Variants in BRIP1 observed in about 807,000 individuals in gnomAD.
BRIP1 encodes BRCA1 interacting DNA helicase 1.
In BRIP1, 88 loss-of-function variants were observed where a neutral mutation model predicts 119.7. The ratio of observed to expected loss-of-function variants is 0.74; its 90% CI spans 0.62 to 0.88. The LOEUF (loss-of-function observed/expected upper bound fraction) is 0.88, where lower values mean the gene tolerates loss of function less well. BRIP1 is among the 40% of genes least tolerant of loss of function. The probability of loss-of-function intolerance (pLI) is 0.00; values close to 1 mark genes in which losing one functional copy is unlikely to be tolerated. For synonymous variants in BRIP1, 443 were observed against 496.5 expected, an observed-to-expected ratio of 0.89 and a Z score of 1.43; for missense variants, 1,259 against 1,455.4, an observed-to-expected ratio of 0.87 and a Z score of 2.20.
chr17:61,705,951 T>C lies in BRIP1; in HGVS notation c.2492+10000A>G, dbSNP rs1249523990. Among the ~76,000 whole-genome samples the C allele has an allele frequency of 6.6e-6, 1 of 152,176 alleles. No individual in the cohort carries two copies. Among genetic ancestry groups the C allele is most frequent in the African/African-American group, 2.4e-5 (1 of 41,464 alleles). On this transcript the variant is annotated intron_variant, in intron 17 of 19. Transcript: ENST00000259008. The surrounding 1 kb of genome is among the most constrained non-coding windows in gnomAD (Gnocchi z 5.0). ...GACTTGAGTTGGCTAATAATGTTGCTCAAGTCATCTATATCTTTATTAGTT... is the reference window on the plus strand; with the variant it reads ...GACTTGAGTTGGCTAATAATGTTGCCCAAGTCATCTATATCTTTATTAGTT...
intron 4 of BRIP1, among the ~76,000 whole-genome samples, chr17:61,854,898 A>G (rs1227918703): frequency 6.6e-6 from 1 of 152,140 alleles, no homozygotes; most frequent in Non-Finnish European, 1.5e-5. Flanking sequence ...CCAATAACCA[A>G]TTTGTGGTAT....
At position 61,793,501 on chromosome 17, in the gene BRIP1, A is replaced by G. The variant is rs2077850066; in HGVS notation, c.1473+96T>C. On this transcript the variant is annotated intron_variant, in intron 10 of 19. Transcript: ENST00000259008. This position sits in a 1 kb window ranked among gnomAD's most constrained non-coding sequence, Gnocchi z 5.2. Reference sequence around the variant, plus strand: ...AAAAATTAAATTGCTATATTTAACAATTCTGGGTTACTCACTAGATTTAAT... The same window carrying G: ...AAAAATTAAATTGCTATATTTAACAGTTCTGGGTTACTCACTAGATTTAAT... 8.3e-7 allele frequency: 1 copy of G among 1,201,596 alleles called. No individual in the cohort carries two copies. Among genetic ancestry groups the G allele is most frequent in the African/African-American group, 1.5e-5 (1 of 65,058 alleles). 74.4% of individuals were successfully genotyped at this position (1,201,596 alleles called of 1,614,324 possible).
rs876659757 is a variant in BRIP1, at chr17:61,684,005, C to T, written c.3041G>A (p.Gly1014Asp). The change falls in exon 20 of 20, where the codon GGT becomes GAT. Residue 1014 changes from glycine (G) to aspartate (D), a missense_variant. By Grantham distance (94) the Gly-to-Asp change is moderately conservative. Transcript: ENST00000259008. This position sits in a 1 kb window ranked among gnomAD's most constrained non-coding sequence, Gnocchi z 4.5. ...SFNSLGQYFT[G>D]KIPKATPELG... is the part of the protein sequence containing the mutation. ...CTCAGGTGTTGCCTTCGGTATTTTA[C>T]CAGTAAAATACTGTCCCAAAGAATT... 1 of 1,614,098 alleles carries T rather than the reference C, an allele frequency of 6.2e-7. No individual in the cohort carries two copies. Among genetic ancestry groups the T allele is most frequent in the Non-Finnish European group, 8.5e-7 (1 of 1,180,008 alleles).
At position 61,853,908 on chromosome 17, in the gene BRIP1, G is replaced by A. The variant is rs945848691; in HGVS notation, c.379+3150C>T. 6.6e-6 allele frequency among the ~76,000 whole-genome samples: 1 copy of A among 152,160 alleles called. No individual in the cohort carries two copies. The highest frequency in any genetic ancestry group is 1.5e-5 in the Non-Finnish European group (1 of 68,030). ...TATCATCAAACAAGATACATGGATA[G>A]CTAATAAGAACATGAAAATATGGGA... On this transcript the variant is annotated intron_variant, in intron 4 of 19. Coordinates refer to ENST00000259008, the MANE Select transcript of BRIP1 (RefSeq NM_032043.3). The surrounding 1 kb of genome is among the most constrained non-coding windows in gnomAD (Gnocchi z 4.3).
chr17:61,815,485 A>G lies in BRIP1; in HGVS notation c.628-6728T>C, dbSNP rs1404824316. Among the ~76,000 whole-genome samples, 1 of 152,206 alleles carries G rather than the reference A, an allele frequency of 6.6e-6. No homozygotes were observed. The highest frequency in any genetic ancestry group is 1.5e-5 in the Non-Finnish European group (1 of 68,032). On this transcript the variant is annotated intron_variant, in intron 6 of 19. Coordinates refer to ENST00000259008, the MANE Select transcript of BRIP1 (RefSeq NM_032043.3). This position sits in a 1 kb window ranked among gnomAD's most constrained non-coding sequence, Gnocchi z 4.1. ...ACATAGTTATTCTGTAAAGGAATAAACAACAGCCAAGAGAATTTCATAAAG... is the reference window on the plus strand; with the variant it reads ...ACATAGTTATTCTGTAAAGGAATAAGCAACAGCCAAGAGAATTTCATAAAG...
At chr17:61,838,792 G>A (rs1371713765) in intron 6 of BRIP1, among the ~76,000 whole-genome samples, 2 of 151,684 alleles carry the variant, frequency 1.3e-5, no homozygotes, top group Middle Eastern at 3.4e-3. Flanking sequence ...AAAAAAGTGA[G>A]GCATATGATC....
chr17:61,743,571 C>T lies in BRIP1; in HGVS notation c.2258-437G>A, dbSNP rs2077015319. On this transcript the variant is annotated intron_variant, in intron 15 of 19. Coordinates refer to ENST00000259008, the MANE Select transcript of BRIP1 (RefSeq NM_032043.3). This position sits in a 1 kb window ranked among gnomAD's most constrained non-coding sequence, Gnocchi z 4.3. Reference sequence around the variant, plus strand: ...TATATTTAAAAGTATTGAAAACAGACACAGAGAACACCATAATATATACAC... The same window carrying T: ...TATATTTAAAAGTATTGAAAACAGATACAGAGAACACCATAATATATACAC... Among the ~76,000 whole-genome samples the T allele has an allele frequency of 1.3e-5, 2 of 152,106 alleles. No homozygotes were observed. Among genetic ancestry groups the T allele is most frequent in the African/African-American group, 4.8e-5 (2 of 41,418 alleles).
chr17:61,693,584 A>G lies in BRIP1; in HGVS notation c.2493-72T>C. On this transcript the variant is annotated intron_variant, in intron 17 of 19. Transcript: ENST00000259008. This position sits in a 1 kb window ranked among gnomAD's most constrained non-coding sequence, Gnocchi z 4.2. ...AATCCAGTTTTCCAGTGGGACAGAC[A>G]GAAAATTGGAAAAAAATCAATTTTA... 7.7e-7 allele frequency: 1 copy of G among 1,301,256 alleles called. No individual in the cohort carries two copies. Among genetic ancestry groups the G allele is most frequent in the Non-Finnish European group, 1.1e-6 (1 of 903,102 alleles). 80.6% of individuals were successfully genotyped at this position (1,301,256 alleles called of 1,614,324 possible). A position where few individuals can be genotyped will look rare whatever the true frequency, so the allele number is the denominator to read the frequency against.
At chr17:61,837,055 G>A (rs767551712) in intron 6 of BRIP1, among the ~76,000 whole-genome samples, 6 of 152,090 alleles carry the variant, frequency 3.9e-5, no homozygotes, top group East Asian at 1.9e-4. Flanking sequence ...TTCCTGATAC[G>A]GTTGTTATAA....
intron 6 of BRIP1, among the ~76,000 whole-genome samples, chr17:61,839,513 GC>G (rs1400586233): frequency 6.6e-6 from 1 of 151,950 alleles, no homozygotes; most frequent in East Asian, 1.9e-4. Context: ...TATGTTCTTT[GC>G]ATTGCAAAAG....
At chr17:61,719,863 C>T (rs2144444083) in intron 16 of BRIP1, among the ~76,000 whole-genome samples, 1 of 152,232 alleles carries the variant, frequency 6.6e-6, no homozygotes, top group African/African-American at 2.4e-5. Flanking sequence ...GGGCCTCAGT[C>T]TGTCCCCCAG....
At chr17:61,688,613 T>C (rs2061395991) in intron 18 of BRIP1, among the ~76,000 whole-genome samples, 1 of 152,150 alleles carries the variant, frequency 6.6e-6, no homozygotes, top group African/African-American at 2.4e-5. Flanking sequence ...TCTTTCCCTG[T>C]ACAAAACCAG....
At chr17:61,737,338 A>C (rs932061095) in intron 16 of BRIP1, among the ~76,000 whole-genome samples, 6 of 152,206 alleles carry the variant, frequency 3.9e-5, no homozygotes, top group Non-Finnish European at 8.8e-5. Flanking sequence ...AGATTCACTT[A>C]GATATAAGGA....
rs2061642567 is a variant in BRIP1, at chr17:61,703,157, CG to C, written c.2493-9646del. Among the ~76,000 whole-genome samples the C allele has an allele frequency of 1.3e-5, 2 of 152,048 alleles. No individual in the cohort carries two copies. The highest frequency in any genetic ancestry group is 2.9e-5 in the Non-Finnish European group (2 of 67,992). ...CCAACTCACTGCAAACTCCACCTCC[CG>C]GGTTCAAACGATTCTCCTGCTTAGC... On this transcript the variant is annotated intron_variant, in intron 17 of 19. Transcript: ENST00000259008. This position sits in a 1 kb window ranked among gnomAD's most constrained non-coding sequence, Gnocchi z 5.0.
Position 61,857,384 on chromosome 17 carries a change from T to C in BRIP1, c.206-153A>G, listed in dbSNP as rs889615894. Among the ~76,000 whole-genome samples the C allele has an allele frequency of 3.3e-5, 5 of 152,212 alleles. No homozygotes were observed. The highest frequency in any genetic ancestry group is 5.9e-5 in the Non-Finnish European group (4 of 68,032). ...AGGTACCTGGCAAACCTGGACAAGC[T>C]GGTCACTTTATCTGCAGCATCAAAT... On this transcript the variant is annotated intron_variant, in intron 3 of 19. Coordinates refer to ENST00000259008, the MANE Select transcript of BRIP1 (RefSeq NM_032043.3). The surrounding 1 kb of genome is among the most constrained non-coding windows in gnomAD (Gnocchi z 5.1).
In BRIP1 at chr17:61,767,181, T is replaced by C. The variant is rs1048991257; in HGVS notation, c.2097+9220A>G. On this transcript the variant is annotated intron_variant, in intron 14 of 19. Transcript: ENST00000259008. This position sits in a 1 kb window ranked among gnomAD's most constrained non-coding sequence, Gnocchi z 5.7. ...GTGAAAGAGTAAAGTTTTGAGTAAA[T>C]CACCCATTCCAATTATCTAGTACAG... 6.6e-6 allele frequency among the ~76,000 whole-genome samples: 1 copy of C among 152,112 alleles called. No homozygotes were observed. Among genetic ancestry groups the C allele is most frequent in the African/African-American group, 2.4e-5 (1 of 41,436 alleles).
In BRIP1 at chr17:61,682,240, G is replaced by A. The variant is rs2061279667; in HGVS notation, c.*1056C>T. 1 of 199,118 alleles carries A rather than the reference G, an allele frequency of 5.0e-6. No homozygotes were observed. Among genetic ancestry groups the A allele is most frequent in the Non-Finnish European group, 1.0e-5 (1 of 96,462 alleles). The allele number at this position is 199,118 out of a possible 1,614,324, so 12.3% of individuals were successfully genotyped here. A position where few individuals can be genotyped will look rare whatever the true frequency, so the allele number is the denominator to read the frequency against. ...TAAAGCTTATGCTAGAACAATACCAGAGGGGATAAATTGTTTCACCCTTTC... is the reference window on the plus strand; with the variant it reads ...TAAAGCTTATGCTAGAACAATACCAAAGGGGATAAATTGTTTCACCCTTTC... On this transcript the variant is annotated 3_prime_UTR_variant, in exon 20 of 20. Coordinates refer to ENST00000259008, the MANE Select transcript of BRIP1 (RefSeq NM_032043.3). This position sits in a 1 kb window ranked among gnomAD's most constrained non-coding sequence, Gnocchi z 4.9.
chr17:61,835,311 C>A (rs1256035378), intron 6 of BRIP1, among the ~76,000 whole-genome samples: 1 of 151,776 alleles, frequency 6.6e-6, no homozygotes, highest in Non-Finnish European at 1.5e-5. Context: ...GTTACAGGTA[C>A]ATAGGAAACT....
rs1302170350 is a variant in BRIP1, at chr17:61,789,877, TTA to T, written c.1473+3718_1473+3719del. On this transcript the variant is annotated intron_variant, in intron 10 of 19. Transcript: ENST00000259008. This position sits in a 1 kb window ranked among gnomAD's most constrained non-coding sequence, Gnocchi z 4.8. ...ATGTTCACAATGTTCATCTTTGAGT[TTA>T]TGAGTCATTTTTCTTTGTGCCATTC... Among the ~76,000 whole-genome samples the T allele has an allele frequency of 2.0e-5, 3 of 152,160 alleles. No individual in the cohort carries two copies. Among genetic ancestry groups the T allele is most frequent in the African/African-American group, 4.8e-5 (2 of 41,404 alleles).
Sources: gnomAD v4.1 joint callset for allele counts (sites outside exome capture counted in the v4.1 genomes callset) on GRCh38, gnomAD v4.1.1 for gene constraint, Gnocchi (gnomAD v3.1) non-coding constraint, MANE v1.5 for transcripts, NCBI Gene and HGNC (gene_info 2026-07-23, HGNC 2026-07-21) for gene names.